Variants in STK32C observed in about 807,000 individuals in gnomAD.
STK32C encodes serine/threonine-protein kinase 32C.
Under a neutral mutation model 56.5 loss-of-function variants are expected in STK32C, and 31 were observed. The ratio of observed to expected loss-of-function variants is 0.55; its 90% confidence interval spans 0.41 to 0.74. STK32C has a LOEUF of 0.74. Ranked by LOEUF, STK32C falls within the 30% of genes least tolerant of loss-of-function variation. STK32C has a pLI of 0.00. For missense variants in STK32C, 544 were observed against 676.9 expected (o/e 0.80, Z 2.18); for synonymous variants, 309 against 289.4 (o/e 1.07, Z -0.69).
chr10:132,297,766 G>A (rs961790974), intron 1 of STK32C, among the ~76,000 whole-genome samples: 6 of 152,202 alleles, frequency 3.9e-5, no homozygotes, highest in African/African-American at 9.6e-5. Context: ...ACTCCCCGGC[G>A]AAGCCCCCGT....
chr10:132,303,009 G>A (rs750988254), intron 1 of STK32C, among the ~76,000 whole-genome samples: 1 of 152,200 alleles, frequency 6.6e-6, no homozygotes, highest in Non-Finnish European at 1.5e-5. Context: ...GCAAGAGGCA[G>A]CGAAGTCTCA....
chr10:132,251,388 T>C lies in STK32C; in HGVS notation c.263-5433A>G, dbSNP rs1274140949. Among the ~76,000 whole-genome samples, 4 of 152,102 alleles carry C rather than the reference T, an allele frequency of 2.6e-5. No homozygotes were observed. The East Asian group carries it at 5.8e-4, about 22-fold the overall frequency. The stretch of plus-strand genomic sequence containing the variant: ...CGGACAGGCTCCCAGAAGGAGTGGG[T>C]GTGCAAAGGGTTGGGGTCATGTCAC... On this transcript the variant is annotated intron_variant, in intron 1 of 11. Coordinates refer to ENST00000298630, the MANE Select transcript of STK32C (RefSeq NM_173575.4).
chr10:132,329,206 G>A (rs1459200611), intron 1 of STK32C, among the ~76,000 whole-genome samples: 1 of 152,236 alleles, frequency 6.6e-6, no homozygotes, highest in Non-Finnish European at 1.5e-5. Context: ...CTTGAGCTCA[G>A]GAGTTCGAGA....
intron 1 of STK32C, among the ~76,000 whole-genome samples, chr10:132,327,824 C>A (rs763893857): frequency 6.6e-6 from 1 of 152,106 alleles, no homozygotes; most frequent in Non-Finnish European, 1.5e-5. Flanking sequence ...ACCAACACTT[C>A]ATAGACCAAA....
intron 1 of STK32C, among the ~76,000 whole-genome samples, chr10:132,270,770 T>TCA (rs1291649459): frequency 1.3e-5 from 2 of 152,040 alleles, no homozygotes; most frequent in Non-Finnish European, 2.9e-5. Context: ...GCCCTGCACA[T>TCA]CACCCTGGAC....
upstream of STK32C, among the ~76,000 whole-genome samples, chr10:132,311,326 AATGGGCTCCC>A (rs1182967326): frequency 3.3e-5 from 5 of 152,210 alleles, no homozygotes; most frequent in African/African-American, 1.2e-4. This position sits in a 1 kb window ranked among gnomAD's most constrained non-coding sequence, Gnocchi z 4.4. Context: ...CAAAACAGGA[AATGGGCTCCC>A]ATGGGACTCC....
intron 1 of STK32C, among the ~76,000 whole-genome samples, chr10:132,265,505 G>T (rs2138100634): frequency 1.3e-5 from 2 of 152,292 alleles, no homozygotes; most frequent in South Asian, 4.1e-4. Flanking sequence ...GGCCCTGCCT[G>T]GGTGTGAGGA....
intron 1 of STK32C, among the ~76,000 whole-genome samples, chr10:132,270,172 A>G (rs2064769981): frequency 6.6e-6 from 1 of 152,242 alleles, no homozygotes; most frequent in Non-Finnish European, 1.5e-5. Flanking sequence ...GGGTGGCTGA[A>G]CAATGGCTCC....
upstream of STK32C, among the ~76,000 whole-genome samples, chr10:132,310,993 G>C (rs1300809922): frequency 6.6e-6 from 1 of 152,180 alleles, no homozygotes; most frequent in East Asian, 1.9e-4. This position sits in a 1 kb window ranked among gnomAD's most constrained non-coding sequence, Gnocchi z 4.6. Context: ...CAAGTGAGTG[G>C]CCGTGGCATG....
chr10:132,208,950 C>G, intron 11 of STK32C, 84 bp downstream of exon 11: 1 of 1,324,862 alleles, frequency 7.5e-7, no homozygotes, highest in Non-Finnish European at 1.1e-6. Flanking sequence ...CACAGGTGCC[C>G]GCTCACGTGG....
chr10:132,304,868 G>GC (rs1350503387), intron 1 of STK32C, among the ~76,000 whole-genome samples: 1 of 152,248 alleles, frequency 6.6e-6, no homozygotes, highest in African/African-American at 2.4e-5. Flanking sequence ...TGAAGGCAAA[G>GC]CCCCTCAGGG....
intron 1 of STK32C, among the ~76,000 whole-genome samples, chr10:132,302,314 C>A (rs983045861): frequency 6.6e-6 from 1 of 152,236 alleles, no homozygotes; most frequent in African/African-American, 2.4e-5. Context: ...GTAAAATGCA[C>A]AACCAGATGG....
intron 2 of STK32C, among the ~76,000 whole-genome samples, chr10:132,241,647 A>C (rs1277721478): frequency 6.6e-6 from 1 of 152,216 alleles, no homozygotes; most frequent in Non-Finnish European, 1.5e-5. Context: ...ACACGAAGGA[A>C]GAGCCGGCAT....
downstream of STK32C, among the ~76,000 whole-genome samples, chr10:132,322,028 C>A (rs2066420564): frequency 6.6e-6 from 1 of 152,174 alleles, no homozygotes; most frequent in South Asian, 2.1e-4. Context: ...AACACCCTCT[C>A]ACAGCAGCGG....
chr10:132,282,143 G>C (rs1378872130), intron 1 of STK32C, among the ~76,000 whole-genome samples: 1 of 152,182 alleles, frequency 6.6e-6, no homozygotes, highest in South Asian at 2.1e-4. Context: ...CAGCAGCCAC[G>C]CTACACTTGG....
intron 2 of STK32C, among the ~76,000 whole-genome samples, chr10:132,236,673 C>G (rs532079646): frequency 8.5e-5 from 13 of 152,206 alleles, no homozygotes; most frequent in Admixed American, 3.3e-4. Flanking sequence ...CTATCCCCCA[C>G]CCACCCCAGT....
At chr10:132,254,429 C>T (rs937173591) in intron 1 of STK32C, among the ~76,000 whole-genome samples, 7 of 152,036 alleles carry the variant, frequency 4.6e-5, no homozygotes, top group Middle Eastern at 3.4e-3. Flanking sequence ...AATAAGCCTG[C>T]CGCAGGGCGC....
intron 1 of STK32C, among the ~76,000 whole-genome samples, chr10:132,274,498 G>T (rs559070694): frequency 1.3e-5 from 2 of 152,342 alleles, no homozygotes; most frequent in East Asian, 3.9e-4. Flanking sequence ...TTGTTTTGCA[G>T]GAAATGTGCA....
chr10:132,306,380 C>T (rs530019838), intron 1 of STK32C, among the ~76,000 whole-genome samples: 1 of 152,370 alleles, frequency 6.6e-6, no homozygotes, highest in Admixed American at 6.5e-5. Context: ...CATTCACCAT[C>T]GTGAGTTCTG....
Sources: gnomAD v4.1 joint callset for allele counts (sites outside exome capture counted in the v4.1 genomes callset) on GRCh38, gnomAD v4.1.1 for gene constraint, Gnocchi (gnomAD v3.1) non-coding constraint, MANE v1.5 for transcripts, NCBI Gene and HGNC (gene_info 2026-07-23, HGNC 2026-07-21) for gene names.